The following STK3 variants were observed in gnomAD, a reference collection of about 807,000 sequenced individuals.
The protein encoded by STK3 is serine/threonine-protein kinase 3.
STK3 carries 41 observed loss-of-function variants against 58.0 expected under a neutral mutation model. The observed-to-expected ratio is 0.71, with a 90% CI of 0.55 to 0.92. The LOEUF (loss-of-function observed/expected upper bound fraction) is 0.92. Ranked by LOEUF, STK3 falls within the 40% of genes least tolerant of loss-of-function variation. The pLI is 0.00. For synonymous variants in STK3, 170 were observed against 191.0 expected, an observed-to-expected ratio of 0.89 and a Z score of 0.91; for missense variants, 479 against 602.7, an observed-to-expected ratio of 0.79 and a Z score of 2.15.
At chr8:98,533,051 T>C (rs1378363471) in intron 9 of STK3, among the ~76,000 whole-genome samples, 1 of 152,204 alleles carries the variant, frequency 6.6e-6, no homozygotes, top group African/African-American at 2.4e-5. Context: ...TTTTCAAGAA[T>C]AAATAACATT....
At chr8:98,450,613 T>A (rs1166649805), downstream of STK3, among the ~76,000 whole-genome samples, 4 of 152,306 alleles carry the variant, frequency 2.6e-5, no homozygotes, top group East Asian at 3.9e-4. Flanking sequence ...TAAGAGAGAA[T>A]ATAATACATT....
rs559471365 is a variant in STK3, at chr8:98,415,073, G to A, written n.484-13560C>T. Among the ~76,000 whole-genome samples the A allele has an allele frequency of 2.4e-4, 36 of 152,256 alleles. No individual in the cohort carries two copies. In the South Asian group the frequency reaches 7.1e-3, roughly 30 times the overall value. On this transcript the variant is annotated intron_variant and non_coding_transcript_variant, in intron 3 of 3. Coordinates refer to the STK3 transcript ENST00000517832. Reference sequence around the variant, plus strand: ...GTTGTACCTGCATGAATGGGATTAGGCTCTCATAAAAGGGCTTGATAGAGT... The same window carrying A: ...GTTGTACCTGCATGAATGGGATTAGACTCTCATAAAAGGGCTTGATAGAGT...
intron 3 of STK3, among the ~76,000 whole-genome samples, chr8:98,878,247 T>G (rs1233738950): frequency 6.6e-6 from 1 of 152,086 alleles, no homozygotes; most frequent in South Asian, 2.1e-4. Flanking sequence ...AAGACTGGGT[T>G]TCCCCATGTT....
At chr8:98,769,015 C>A (rs370668359) in intron 2 of STK3, among the ~76,000 whole-genome samples, 3 of 152,184 alleles carry the variant, frequency 2.0e-5, no homozygotes, top group African/African-American at 4.8e-5. Flanking sequence ...ATGCTGACTT[C>A]GACCTTCAAC....
intron 3 of STK3, among the ~76,000 whole-genome samples, chr8:98,844,225 T>C (rs1032503912): frequency 2.6e-5 from 4 of 152,204 alleles, no homozygotes; most frequent in Non-Finnish European, 5.9e-5. Flanking sequence ...CTACCTTTTT[T>C]ATTTTAAAAT....
chr8:98,478,896 C>T (rs759241332), intron 10 of STK3, among the ~76,000 whole-genome samples: 8 of 152,188 alleles, frequency 5.3e-5, no homozygotes, highest in African/African-American at 1.2e-4. Flanking sequence ...ACTATATTTA[C>T]GAGCTTCTGT....
At chr8:98,446,454 T>C (rs1818953683) in intron 1 of STK3, among the ~76,000 whole-genome samples, 1 of 152,224 alleles carries the variant, frequency 6.6e-6, no homozygotes, top group South Asian at 2.1e-4. Flanking sequence ...AAGGGTTTTC[T>C]GTGCATCTCT....
rs569777638 is a variant in STK3 at position 98,714,753 on chromosome 8, G to A, written c.352-7442C>T. ...ATGCCATCCCCATCAAGCTACCAAT[G>A]ACTTTCTTCACAGAATTGGAAAAAA... On this transcript the variant is annotated intron_variant, in intron 4 of 10. Coordinates refer to ENST00000419617, the MANE Select transcript of STK3 (RefSeq NM_006281.4). Among the ~76,000 whole-genome samples, 7 of 152,266 alleles carry A rather than the reference G, an allele frequency of 4.6e-5. No homozygotes were observed. The South Asian group carries it at 8.3e-4, about 18-fold the overall frequency.
chr8:98,863,179 T>G (rs1029079311), intron 3 of STK3, among the ~76,000 whole-genome samples: 3 of 152,222 alleles, frequency 2.0e-5, no homozygotes, highest in Non-Finnish European at 2.9e-5. Context: ...AACATCAAGA[T>G]AATATGAAGT....
chr8:98,692,871 G>A (rs1824512251), intron 6 of STK3, among the ~76,000 whole-genome samples: 2 of 151,934 alleles, frequency 1.3e-5, no homozygotes, highest in African/African-American at 2.4e-5. Context: ...ATTATGGGGA[G>A]TGTAGTGAGT....
intron 3 of STK3, among the ~76,000 whole-genome samples, chr8:98,846,224 T>C (rs1272866627): frequency 6.6e-6 from 1 of 152,194 alleles, no homozygotes; most frequent in Non-Finnish European, 1.5e-5. Context: ...GTACACGAAG[T>C]CTCATTAGTA....
At chr8:98,538,609 G>T (rs1276723589) in intron 9 of STK3, among the ~76,000 whole-genome samples, 1 of 152,152 alleles carries the variant, frequency 6.6e-6, no homozygotes, top group Non-Finnish European at 1.5e-5. Flanking sequence ...ATAAAAGGAA[G>T]GAGTTCCTGT....
chr8:98,504,154 T>A (rs1823854781), intron 10 of STK3, among the ~76,000 whole-genome samples: 2 of 152,250 alleles, frequency 1.3e-5, no homozygotes, highest in African/African-American at 4.8e-5. Context: ...TGGCCTTCTT[T>A]GTCTCTTTTG....
At chr8:98,728,304 CT>C (rs1827929673) in intron 4 of STK3, among the ~76,000 whole-genome samples, 1 of 152,290 alleles carries the variant, frequency 6.6e-6, no homozygotes, top group Admixed American at 6.5e-5. Flanking sequence ...CACAAATCTT[CT>C]GTTCAACACA....
At chr8:98,423,965 G>A (rs891273227) in intron 3 of STK3, among the ~76,000 whole-genome samples, 3 of 152,210 alleles carry the variant, frequency 2.0e-5, no homozygotes, top group Non-Finnish European at 4.4e-5. Context: ...CAGCAGGCCA[G>A]CCAGGCCAGC....
chr8:98,423,341 C>T (rs1818193860), intron 3 of STK3, among the ~76,000 whole-genome samples: 1 of 152,232 alleles, frequency 6.6e-6, no homozygotes, highest in African/African-American at 2.4e-5. Flanking sequence ...CCCCGTGAAC[C>T]GCCATGCCAA....
rs72668451 is a variant in STK3, at chr8:98,924,250, G to A, written c.-79+18128C>T. ...AACCTTGTCTGTTTAATAAGTTTGTGAACAAAGCCTGATTGCTTCCCTTGT... is the reference window on the plus strand; with the variant it reads ...AACCTTGTCTGTTTAATAAGTTTGTAAACAAAGCCTGATTGCTTCCCTTGT... On this transcript the variant is annotated intron_variant, in intron 1 of 1. Transcript: ENST00000519420. Among the ~76,000 whole-genome samples, 1,406 of 152,264 alleles carry A rather than the reference G, an allele frequency of 9.2e-3. 9 individuals are homozygous for A. Among genetic ancestry groups the A allele is most frequent in the Non-Finnish European group, 0.015 (1,022 of 68,010 alleles).
At chr8:98,900,037 C>T (rs1170743310) in intron 1 of STK3, among the ~76,000 whole-genome samples, 2 of 152,098 alleles carry the variant, frequency 1.3e-5, no homozygotes, top group Non-Finnish European at 2.9e-5. Context: ...ACAAAAGGGC[C>T]TGCTGGCCAC....
the STK3 span, among the ~76,000 whole-genome samples, chr8:98,364,288 A>G: frequency 6.2e-4 from 95 of 152,188 alleles, no homozygotes; most frequent in Non-Finnish European, 1.1e-3. Flanking sequence ...GCTTCCTTCC[A>G]CATCTGTGCA....
Sources: gnomAD v4.1 joint callset for allele counts (sites outside exome capture counted in the v4.1 genomes callset) on GRCh38, gnomAD v4.1.1 for gene constraint, MANE v1.5 for transcripts, NCBI Gene and HGNC (gene_info 2026-07-23, HGNC 2026-07-21) for gene names.